Variants in GRIK2 observed in about 807,000 individuals in gnomAD.
GRIK2 encodes glutamate ionotropic receptor kainate type subunit 2.
In GRIK2, 32 loss-of-function variants were observed where a neutral mutation model predicts 100.3. The ratio of observed to expected loss-of-function variants is 0.32; its 90% CI spans 0.24 to 0.43. The LOEUF (loss-of-function observed/expected upper bound fraction) is 0.43. Ranked by LOEUF, GRIK2 falls within the 20% of genes least tolerant of loss-of-function variation. The pLI is 1.00. For synonymous variants in GRIK2, 417 were observed against 389.4 expected (o/e 1.07, Z -0.83); for missense variants, 843 against 1,114.9 (o/e 0.76, Z 3.47).
chr6:101,498,817 T>A (rs1033780678), intron 2 of GRIK2, among the ~76,000 whole-genome samples: 1 of 152,178 alleles, frequency 6.6e-6, no homozygotes, highest in African/African-American at 2.4e-5. Context: ...ATTTTGTAGG[T>A]TGCCTGTTCA....
intron 2 of GRIK2, among the ~76,000 whole-genome samples, chr6:101,540,210 G>C (rs1188779211): frequency 6.6e-6 from 1 of 151,440 alleles, no homozygotes; most frequent in African/African-American, 2.4e-5. Flanking sequence ...AATTTACTTT[G>C]GTGCATATAA....
At chr6:101,866,540 G>C (rs1785063453) in intron 11 of GRIK2, among the ~76,000 whole-genome samples, 1 of 151,994 alleles carries the variant, frequency 6.6e-6, no homozygotes, top group Non-Finnish European at 1.5e-5. Context: ...ATATTAAAAA[G>C]ATTTTTCTCC....
chr6:101,946,517 GA>G (rs11306403), intron 14 of GRIK2, among the ~76,000 whole-genome samples: 65,988 of 149,674 alleles, frequency 0.44, 14,583 homozygotes, highest in East Asian at 0.57. Context: ...GATTGCTGTT[GA>G]AAAAAAAAAT....
intron 7 of GRIK2, among the ~76,000 whole-genome samples, chr6:101,693,843 A>G (rs1023024875): frequency 1.8e-4 from 27 of 152,066 alleles, no homozygotes; most frequent in Non-Finnish European, 3.1e-4. Flanking sequence ...ATTATATCAT[A>G]TGTATATGTA....
intron 7 of GRIK2, among the ~76,000 whole-genome samples, chr6:101,702,839 G>A (rs190027820): frequency 1.3e-5 from 2 of 151,924 alleles, no homozygotes; most frequent in African/African-American, 4.8e-5. Context: ...AGGAACAATT[G>A]CAAACTTCTT....
intron 2 of GRIK2, among the ~76,000 whole-genome samples, chr6:101,429,666 TG>T (rs1769266593): frequency 1.3e-5 from 2 of 151,954 alleles, no homozygotes; most frequent in Admixed American, 6.6e-5. Context: ...CTGAAAAAAA[TG>T]GAGAGGGTTT....
At chr6:101,689,351 A>G (rs1771931734) in intron 7 of GRIK2, among the ~76,000 whole-genome samples, 1 of 152,088 alleles carries the variant, frequency 6.6e-6, no homozygotes, top group African/African-American at 2.4e-5. Context: ...TATCAGTATC[A>G]TAATCATTTG....
intron 2 of GRIK2, among the ~76,000 whole-genome samples, chr6:101,405,672 T>A (rs1037862543): frequency 6.6e-6 from 1 of 152,234 alleles, no homozygotes; most frequent in African/African-American, 2.4e-5. Flanking sequence ...TAAACTTCAA[T>A]GTAGTAAGTC....
chr6:101,547,508 C>T (rs565840403), intron 2 of GRIK2, among the ~76,000 whole-genome samples: 3 of 152,260 alleles, frequency 2.0e-5, no homozygotes, highest in African/African-American at 2.4e-5. Flanking sequence ...TGTGATGTTC[C>T]CCTTCCTGTG....
chr6:101,745,068 T>C (rs1050959285), intron 7 of GRIK2: 2 of 152,190 alleles, frequency 1.3e-5, no homozygotes, highest in Admixed American at 6.5e-5. Flanking sequence ...TTTGAAAAGA[T>C]ATTTTTTCAT....
chr6:102,026,675 A>C (rs1769721697), intron 14 of GRIK2, among the ~76,000 whole-genome samples: 2 of 151,230 alleles, frequency 1.3e-5, no homozygotes, highest in African/African-American at 4.8e-5. Context: ...TATTATGCTT[A>C]GTCACTCTGA....
intron 14 of GRIK2, among the ~76,000 whole-genome samples, chr6:101,982,029 G>T (rs926799087): frequency 1.5e-4 from 23 of 151,868 alleles, no homozygotes; most frequent in African/African-American, 5.6e-4. Context: ...TGAATAATTA[G>T]TCCCTGCCAG....
intron 3 of GRIK2, among the ~76,000 whole-genome samples, chr6:101,625,070 AT>A (rs71028079): frequency 0.36 from 55,195 of 151,648 alleles, 11,070 homozygotes; most frequent in African/African-American, 0.54. Flanking sequence ...GCATGAGGCC[AT>A]TATTTAGAAT....
At chr6:101,742,359 T>C (rs775077262) in intron 7 of GRIK2, among the ~76,000 whole-genome samples, 2 of 151,920 alleles carry the variant, frequency 1.3e-5, no homozygotes, top group Non-Finnish European at 2.9e-5. Flanking sequence ...AGAATCAGGG[T>C]GGACTAAGGT....
At chr6:101,628,713 C>T (rs974485538) in intron 4 of GRIK2, among the ~76,000 whole-genome samples, 9 of 152,000 alleles carry the variant, frequency 5.9e-5, no homozygotes, top group Non-Finnish European at 1.3e-4. Context: ...CCATTCCTTC[C>T]TGATGTAATT....
intron 16 of GRIK2, among the ~76,000 whole-genome samples, chr6:102,057,422 G>A (rs982783224): frequency 1.3e-5 from 2 of 151,898 alleles, no homozygotes; most frequent in East Asian, 1.9e-4. Flanking sequence ...GTAACGTATC[G>A]TGCTTCATTG....
chr6:101,514,935 G>C (rs965205275), intron 2 of GRIK2, among the ~76,000 whole-genome samples: 8 of 152,020 alleles, frequency 5.3e-5, no homozygotes, highest in African/African-American at 1.7e-4. Flanking sequence ...GGGTACGGGA[G>C]GTACTTGGTT....
chr6:101,418,104 A>AAGGC (rs1050893709), intron 2 of GRIK2, among the ~76,000 whole-genome samples: 3 of 152,198 alleles, frequency 2.0e-5, no homozygotes, highest in African/African-American at 7.2e-5. Context: ...TGAGAGGAGG[A>AAGGC]AGGCAGGCAG....
chr6:101,993,485 T>C (rs1220744447), intron 14 of GRIK2: 1 of 151,358 alleles, frequency 6.6e-6, no homozygotes, highest in Non-Finnish European at 1.5e-5. Flanking sequence ...CTATAGAAGA[T>C]TCAAAGATGA....
Sources: allele counts gnomAD v4.1 joint callset (sites outside exome capture counted in the v4.1 genomes callset), GRCh38; gene constraint gnomAD v4.1.1; transcripts MANE v1.5; gene names NCBI Gene and HGNC (gene_info 2026-07-23, HGNC 2026-07-21).